Variants in ANO4 observed in about 807,000 individuals in gnomAD.
ANO4 encodes anoctamin 4.
In ANO4, 69 loss-of-function variants were observed where a neutral mutation model predicts 141.9. The ratio of observed to expected loss-of-function variants is 0.49; its 90% CI spans 0.40 to 0.59. The LOEUF (loss-of-function observed/expected upper bound fraction) is 0.59. ANO4 is among the 20% of genes least tolerant of loss of function. The pLI is 0.00. For synonymous variants in ANO4, 350 were observed against 394.3 expected (o/e 0.89, Z 1.33); for missense variants, 894 against 1,162.2 (o/e 0.77, Z 3.36).
At chr12:100,972,165 A>G (rs550918198) in intron 6 of ANO4, among the ~76,000 whole-genome samples, 2 of 152,234 alleles carry the variant, frequency 1.3e-5, no homozygotes, top group Non-Finnish European at 2.9e-5. Context: ...GACAGTTCTG[A>G]GGGGACTCGA....
intron 3 of ANO4, among the ~76,000 whole-genome samples, chr12:100,761,465 CTT>C (rs2032855364): frequency 6.6e-6 from 1 of 152,220 alleles, no homozygotes; most frequent in South Asian, 2.1e-4. Flanking sequence ...CAGGAACAAA[CTT>C]TTAGAAGTTT....
chr12:101,002,323 C>T (rs1259778666), intron 8 of ANO4, among the ~76,000 whole-genome samples: 2 of 152,210 alleles, frequency 1.3e-5, no homozygotes, highest in East Asian at 3.9e-4. Context: ...GTCAACCCTT[C>T]ATCATGCCCT....
intron 1 of ANO4, among the ~76,000 whole-genome samples, chr12:100,802,805 C>T: frequency 6.6e-6 from 1 of 152,094 alleles, no homozygotes; most frequent in African/African-American, 2.4e-5. Context: ...ATGAAGAATG[C>T]TTTGGCTGCT....
chr12:101,045,997 G>T (rs1006976864), intron 13 of ANO4, among the ~76,000 whole-genome samples: 2 of 152,194 alleles, frequency 1.3e-5, no homozygotes, highest in East Asian at 3.9e-4. Flanking sequence ...TTGGCCTGTT[G>T]GGTACTTGTC....
intron 14 of ANO4, among the ~76,000 whole-genome samples, chr12:101,058,644 C>T (rs1472957024): frequency 1.3e-5 from 2 of 152,090 alleles, no homozygotes; most frequent in Non-Finnish European, 2.9e-5. Context: ...GGAGTTCATT[C>T]ATGATTTGGC....
chr12:101,111,123 TTAA>T (rs2050648678), intron 23 of ANO4, among the ~76,000 whole-genome samples: 2 of 152,358 alleles, frequency 1.3e-5, no homozygotes, highest in African/African-American at 4.8e-5. Context: ...GATGTTATTG[TTAA>T]TGACGTCTTT....
intron 22 of ANO4, among the ~76,000 whole-genome samples, chr12:101,105,239 C>G (rs2050394378): frequency 6.6e-6 from 1 of 152,114 alleles, no homozygotes; most frequent in Admixed American, 6.5e-5. Context: ...AATCTGTGAC[C>G]AGCTTTAAGT....
At chr12:101,016,030 G>T (rs1410181181) in intron 8 of ANO4, among the ~76,000 whole-genome samples, 1 of 152,216 alleles carries the variant, frequency 6.6e-6, no homozygotes, top group Admixed American at 6.5e-5. Flanking sequence ...TAGACATGCA[G>T]TGTGGAGGCA....
At chr12:100,892,590 T>G (rs73389632) in intron 1 of ANO4, among the ~76,000 whole-genome samples, 8,302 of 152,176 alleles carry the variant, frequency 0.055, 779 homozygotes, top group African/African-American at 0.19. Flanking sequence ...CTCCCTCCCT[T>G]CCCCAGATAC....
chr12:101,106,249 G>A (rs970323636), intron 22 of ANO4, among the ~76,000 whole-genome samples: 1 of 152,014 alleles, frequency 6.6e-6, no homozygotes, highest in Non-Finnish European at 1.5e-5. Flanking sequence ...TAAGAAACAT[G>A]CAAAACAGCC....
intron 15 of ANO4, among the ~76,000 whole-genome samples, chr12:101,081,705 A>T (rs2049284998): frequency 6.6e-6 from 1 of 152,176 alleles, no homozygotes; most frequent in African/African-American, 2.4e-5. Context: ...ACATGCTCAC[A>T]GTTCTGGAGG....
At chr12:100,773,618 C>T (rs371179091) in intron 3 of ANO4, among the ~76,000 whole-genome samples, 1 of 152,166 alleles carries the variant, frequency 6.6e-6, no homozygotes, top group East Asian at 1.9e-4. Flanking sequence ...AATCTCTGAC[C>T]TATCCAGAAA....
chr12:101,044,142 C>G (rs1022310119), intron 13 of ANO4, among the ~76,000 whole-genome samples: 1 of 152,152 alleles, frequency 6.6e-6, no homozygotes. Context: ...AGCTCAGCCA[C>G]TTACCTCTTT....
At chr12:100,878,245 C>T (rs1395604830) in intron 1 of ANO4, among the ~76,000 whole-genome samples, 3 of 152,114 alleles carry the variant, frequency 2.0e-5, no homozygotes, top group African/African-American at 7.2e-5. Flanking sequence ...TATGGTATGC[C>T]AAGCAGTAAG....
chr12:101,079,112 G>C (rs773984859), intron 14 of ANO4, 81 bp from the exon 15 acceptor site: 1 of 1,201,148 alleles, frequency 8.3e-7, no homozygotes, highest in Non-Finnish European at 1.2e-6. Context: ...CTTGGCAATG[G>C]CTTCATTATT....
intron 17 of ANO4, among the ~76,000 whole-genome samples, chr12:101,088,799 G>C (rs113324632): frequency 0.015 from 2,333 of 152,032 alleles, 53 homozygotes; most frequent in African/African-American, 0.053. Context: ...GAGATAGGGG[G>C]ATCACTTGAG....
At chr12:101,097,758 G>T in intron 20 of ANO4, 50 bp downstream of exon 20, 1 of 1,607,810 alleles carries the variant, frequency 6.2e-7, no homozygotes, top group Non-Finnish European at 8.5e-7. Context: ...GCATTAAACA[G>T]CCTTAGGGCA....
chr12:100,991,055 C>G (rs757121251), intron 8 of ANO4, among the ~76,000 whole-genome samples: 9 of 152,074 alleles, frequency 5.9e-5, no homozygotes, highest in Non-Finnish European at 1.0e-4. Context: ...AACCGAAGAA[C>G]CAGACCTCAG....
rs115225940 is a variant in ANO4, at chr12:101,071,312, T to C, written c.1313-7881T>C. ...ATAAATAAAGAAAACGTGGCACTTATACACAATGAAGTACTAGTCAGCCAT... is the reference window on the plus strand; with the variant it reads ...ATAAATAAAGAAAACGTGGCACTTACACACAATGAAGTACTAGTCAGCCAT... On this transcript the variant is annotated intron_variant, in intron 14 of 27. Transcript: ENST00000392977. 7.8e-3 allele frequency among the ~76,000 whole-genome samples: 1,172 copies of C among 149,430 alleles called. 13 individuals are homozygous for C. Among genetic ancestry groups the C allele is most frequent in the African/African-American group, 0.027 (1,103 of 40,354 alleles).
Sources: gnomAD v4.1 joint callset for allele counts (sites outside exome capture counted in the v4.1 genomes callset) on GRCh38, gnomAD v4.1.1 for gene constraint, MANE v1.5 for transcripts, NCBI Gene and HGNC (gene_info 2026-07-23, HGNC 2026-07-21) for gene names.